DAB1: variants seen among roughly 807,000 people sequenced by gnomAD.
The protein encoded by DAB1 is disabled homolog 1.
In DAB1, 15 loss-of-function variants were observed where a neutral mutation model predicts 64.6. The ratio of observed to expected loss-of-function variants is 0.23; its 90% CI spans 0.16 to 0.36. The LOEUF (loss-of-function observed/expected upper bound fraction) is 0.36, where lower values mean the gene tolerates loss of function less well. DAB1 is among the 10% of genes least tolerant of loss of function. DAB1 has a pLI of 1.00. For missense variants in DAB1, 596 were observed against 706.7 expected (o/e 0.84, Z 1.78); for synonymous variants, 235 against 251.9 (o/e 0.93, Z 0.64).
At chr1:58,092,384 C>T (rs975310695) in intron 5 of DAB1, among the ~76,000 whole-genome samples, 1 of 152,042 alleles carries the variant, frequency 6.6e-6, no homozygotes, top group Non-Finnish European at 1.5e-5. Flanking sequence ...TCTTTCCATG[C>T]CCAGGGGCTT....
At chr1:57,057,195 G>T (rs911095364) in intron 9 of DAB1, among the ~76,000 whole-genome samples, 43 of 151,966 alleles carry the variant, frequency 2.8e-4, no homozygotes, top group African/African-American at 1.0e-3. Flanking sequence ...AGTAGAGAAG[G>T]CAACAAAAAA....
intron 1 of DAB1, among the ~76,000 whole-genome samples, chr1:57,413,523 C>T (rs941058334): frequency 7.2e-5 from 11 of 151,890 alleles, no homozygotes; most frequent in Admixed American, 1.3e-4. Context: ...GGGTGGATCA[C>T]GAGGTCAGGA....
At chr1:57,793,207 A>G (rs1255053106) in intron 6 of DAB1, among the ~76,000 whole-genome samples, 1 of 152,180 alleles carries the variant, frequency 6.6e-6, no homozygotes, top group Non-Finnish European at 1.5e-5. Flanking sequence ...AAAATAAACG[A>G]ACAGGGCATT....
intron 9 of DAB1, among the ~76,000 whole-genome samples, chr1:57,039,769 A>C (rs904595659): frequency 6.6e-6 from 1 of 152,198 alleles, no homozygotes; most frequent in Non-Finnish European, 1.5e-5. Context: ...TGGTGGCATG[A>C]TCTGCAGGCA....
chr1:57,302,984 T>A (rs1043238263), intron 1 of DAB1, among the ~76,000 whole-genome samples: 1 of 152,180 alleles, frequency 6.6e-6, no homozygotes, highest in Non-Finnish European at 1.5e-5. Flanking sequence ...AATGATGTAA[T>A]CCACATAAAA....
intron 1 of DAB1, among the ~76,000 whole-genome samples, chr1:57,849,302 C>T (rs764832800): frequency 2.6e-5 from 4 of 152,210 alleles, no homozygotes; most frequent in Non-Finnish European, 5.9e-5. Context: ...GCTCCTTGGC[C>T]TCTATCTCTG....
chr1:57,417,545 A>T (rs1194637484), intron 1 of DAB1, among the ~76,000 whole-genome samples: 1 of 152,232 alleles, frequency 6.6e-6, no homozygotes, highest in East Asian at 1.9e-4. Flanking sequence ...ATGAATTTTT[A>T]AAATTCTTCA....
At chr1:58,327,208 T>G (rs1250809719) in intron 4 of DAB1, among the ~76,000 whole-genome samples, 2 of 152,230 alleles carry the variant, frequency 1.3e-5, no homozygotes, top group African/African-American at 4.8e-5. Context: ...CGTTGAACTT[T>G]GTTTGATAAA....
chr1:57,585,622 G>A (rs934406506), intron 7 of DAB1, among the ~76,000 whole-genome samples: 1 of 152,014 alleles, frequency 6.6e-6, no homozygotes, highest in Non-Finnish European at 1.5e-5. Flanking sequence ...CACATTTATG[G>A]TTTCTTTCTA....
intron 6 of DAB1, among the ~76,000 whole-genome samples, chr1:57,698,247 C>T (rs1286119570): frequency 6.7e-6 from 1 of 149,536 alleles, no homozygotes; most frequent in Non-Finnish European, 1.5e-5. Context: ...CCACCATGCC[C>T]TCTAACTTTT....
At chr1:57,934,436 G>A (rs1276073987) in intron 5 of DAB1, among the ~76,000 whole-genome samples, 2 of 152,200 alleles carry the variant, frequency 1.3e-5, no homozygotes, top group Middle Eastern at 3.4e-3. Flanking sequence ...GTGTCCTGCC[G>A]ATGTTGATAG....
At chr1:57,933,958 C>T (rs567703009) in intron 5 of DAB1, among the ~76,000 whole-genome samples, 5 of 151,528 alleles carry the variant, frequency 3.3e-5, no homozygotes, top group South Asian at 4.2e-4. Flanking sequence ...TGCAGTGGCG[C>T]GATCTTGGCT....
At chr1:58,495,315 T>G (rs908507563) in intron 3 of DAB1, among the ~76,000 whole-genome samples, 6 of 152,100 alleles carry the variant, frequency 3.9e-5, no homozygotes, top group African/African-American at 1.4e-4. Flanking sequence ...ATATACCTAA[T>G]GTTAAATGAC....
intron 6 of DAB1, among the ~76,000 whole-genome samples, chr1:57,660,849 T>C (rs116666066): frequency 1.6e-3 from 240 of 152,298 alleles, no homozygotes; most frequent in African/African-American, 5.1e-3. Context: ...ACGGAATTGA[T>C]TGAGGCCTTT....
chr1:57,370,650 C>T (rs146469009), intron 1 of DAB1, among the ~76,000 whole-genome samples: 44 of 150,510 alleles, frequency 2.9e-4, no homozygotes, highest in African/African-American at 1.0e-3. Context: ...GGAGTGATTT[C>T]ATCTCCCAAT....
At chr1:58,166,370 T>C (rs544393804) in intron 4 of DAB1, among the ~76,000 whole-genome samples, 3 of 152,336 alleles carry the variant, frequency 2.0e-5, no homozygotes, top group Non-Finnish European at 2.9e-5. Context: ...TCTGTCTCTA[T>C]AGACTTGTTT....
intron 1 of DAB1, among the ~76,000 whole-genome samples, chr1:57,844,041 T>A (rs1385656009): frequency 6.6e-6 from 1 of 152,224 alleles, no homozygotes. Context: ...CTCTTTTCAA[T>A]CTTACATAAC....
chr1:57,886,379 G>T (rs572093188), upstream of DAB1, among the ~76,000 whole-genome samples: 1 of 152,010 alleles, frequency 6.6e-6, no homozygotes, highest in Non-Finnish European at 1.5e-5. Context: ...GGCTGGTCTC[G>T]AACTCCTGAC....
At position 58,354,588 on chromosome 1, in the gene DAB1, C is replaced by G. The variant is rs1343456048; in HGVS notation, n.258-11185G>C. ...GGTCTTTTCTTAAAGGTCTTTCGGCCTACTCACACGTGTCTCTTATGTGTC... is the reference window on the plus strand; with the variant it reads ...GGTCTTTTCTTAAAGGTCTTTCGGCGTACTCACACGTGTCTCTTATGTGTC... On this transcript the variant is annotated intron_variant and non_coding_transcript_variant, in intron 3 of 20. Coordinates refer to the DAB1 transcript ENST00000485760. 3.9e-5 allele frequency among the ~76,000 whole-genome samples: 6 copies of G among 152,092 alleles called. No individual in the cohort carries two copies. In the East Asian group the frequency reaches 1.2e-3, roughly 29 times the overall value.
Sources: gnomAD v4.1 joint callset for allele counts (sites outside exome capture counted in the v4.1 genomes callset) on GRCh38, gnomAD v4.1.1 for gene constraint, MANE v1.5 for transcripts, NCBI Gene and HGNC (gene_info 2026-07-23, HGNC 2026-07-21) for gene names.